Variants in MTRES1 observed in about 807,000 individuals in gnomAD.
The protein encoded by MTRES1 is mitochondrial transcription rescue factor 1.
Under a neutral mutation model 17.4 loss-of-function variants are expected in MTRES1, and 11 were observed. The ratio of observed to expected loss-of-function variants is 0.63; its 90% CI spans 0.40 to 1.05. MTRES1 has a LOEUF of 1.05. Among genes scored for constraint, MTRES1 ranks in the 50% least tolerant of loss-of-function variants. The pLI is 0.00. For missense variants in MTRES1, 268 were observed against 276.2 expected, an observed-to-expected ratio of 0.97 and a Z score of 0.21; for synonymous variants, 94 against 99.6, an observed-to-expected ratio of 0.94 and a Z score of 0.34.
At chr6:107,049,507 G>A (rs1192106703) in intron 3 of MTRES1, among the ~76,000 whole-genome samples, 3 of 141,592 alleles carry the variant, frequency 2.1e-5, no homozygotes, top group Admixed American at 7.7e-5. Context: ...TCCGCCTCCC[G>A]GATTCATGCC....
At position 107,047,819 on chromosome 6, in the gene MTRES1, G is replaced by A. The variant is rs573976586; in HGVS notation, c.544-3238G>A. On this transcript the variant is annotated intron_variant, in intron 3 of 3. Coordinates refer to ENST00000311381, the MANE Select transcript of MTRES1 (RefSeq NM_016487.5). ...GAGAATCGTTTGAATCCAGGAGGTGGAGCTTGCAGTGAGCCAAGATCGCGC... is the reference window on the plus strand; with the variant it reads ...GAGAATCGTTTGAATCCAGGAGGTGAAGCTTGCAGTGAGCCAAGATCGCGC... Among the ~76,000 whole-genome samples, 6 of 152,114 alleles carry A rather than the reference G, an allele frequency of 3.9e-5. No individual in the cohort carries two copies. In the South Asian group the frequency reaches 1.2e-3, roughly 32 times the overall value.
At chr6:107,041,486 G>A (rs1213045445) in intron 2 of MTRES1, among the ~76,000 whole-genome samples, 3 of 152,086 alleles carry the variant, frequency 2.0e-5, no homozygotes, top group African/African-American at 4.8e-5. Context: ...TACTACATAT[G>A]TTCATATATA....
chr6:107,039,783 T>C lies in MTRES1; in HGVS notation c.23T>C (p.Leu8Ser). ...GCCATGGCTATGGCTAGTGTTAAAT[T>C]GCTTGCCGGTGTTTTAAGAAAGCCA... Reference protein sequence around the residue: MAMASVKLLAGVLRKPDA... With the variant: MAMASVKSLAGVLRKPDA... The change falls in exon 2 of 4, where the codon TTG becomes TCG. Residue 8 changes from leucine to serine, a missense_variant. By Grantham distance (145) the Leu-to-Ser change is moderately radical. Coordinates refer to ENST00000311381, the MANE Select transcript of MTRES1 (RefSeq NM_016487.5). The C allele has an allele frequency of 6.2e-7, 1 of 1,607,106 alleles. No individual in the cohort carries two copies. Among genetic ancestry groups the C allele is most frequent in the Non-Finnish European group, 8.5e-7 (1 of 1,178,494 alleles).
intron 3 of MTRES1, 117 bp downstream of exon 3, chr6:107,044,449 G>A: frequency 1.3e-6 from 1 of 764,270 alleles, no homozygotes; most frequent in Non-Finnish European, 2.3e-6. Context: ...GAGGTCCTTT[G>A]TGGTCCTCCA....
At chr6:107,044,784 T>C (rs1210655486) in intron 3 of MTRES1, among the ~76,000 whole-genome samples, 1 of 152,216 alleles carries the variant, frequency 6.6e-6, no homozygotes. Context: ...AGAGCAGTTA[T>C]AGAAAAGGAT....
At position 107,044,242 on chromosome 6, in the gene MTRES1, CTTTTT is replaced by C. The variant is rs781911177; in HGVS notation, c.471-14_471-10del. On this transcript the variant is annotated splice_polypyrimidine_tract_variant and intron_variant, in intron 2 of 3. Coordinates refer to ENST00000311381, the MANE Select transcript of MTRES1 (RefSeq NM_016487.5). ...ATCACCCAAATTGTGTACATTGTTG[CTTTTT>C]TTTGTTTTGTAGCAAAGTGGAAGAT... 6 of 1,592,706 alleles carry C rather than the reference CTTTTT, an allele frequency of 3.8e-6. No homozygotes were observed. Among genetic ancestry groups the C allele is most frequent in the South Asian group, 3.3e-5 (3 of 90,178 alleles).
intron 2 of MTRES1, among the ~76,000 whole-genome samples, chr6:107,041,889 C>T (rs13217360): frequency 0.28 from 42,223 of 151,954 alleles, 6,186 homozygotes; most frequent in South Asian, 0.34. Context: ...TAGTGGCCTT[C>T]ATTGTTCATT....
At chr6:107,037,407 C>T (rs545350763) in intron 1 of MTRES1, among the ~76,000 whole-genome samples, 4 of 152,234 alleles carry the variant, frequency 2.6e-5, no homozygotes, top group African/African-American at 9.6e-5. Context: ...GATGGGGTTT[C>T]ACCACGTTGG....
chr6:107,033,801 G>GA (rs1306036629), intron 1 of MTRES1, among the ~76,000 whole-genome samples: 1 of 152,076 alleles, frequency 6.6e-6, no homozygotes, highest in Non-Finnish European at 1.5e-5. Flanking sequence ...CTGGGCGACA[G>GA]AACAAGACTC....
At chr6:107,030,326 T>C (rs891790536) in intron 1 of MTRES1, among the ~76,000 whole-genome samples, 1 of 152,152 alleles carries the variant, frequency 6.6e-6, no homozygotes, top group Admixed American at 6.6e-5. Flanking sequence ...TGTGCCCACG[T>C]GGAGGTGTCA....
intron 1 of MTRES1, among the ~76,000 whole-genome samples, chr6:107,030,876 C>T (rs1002063346): frequency 6.6e-6 from 1 of 152,108 alleles, no homozygotes; most frequent in South Asian, 2.1e-4. Flanking sequence ...CACAGATGTA[C>T]GAGTCTGGAA....
At chr6:107,045,090 C>G (rs879954495) in intron 3 of MTRES1, among the ~76,000 whole-genome samples, 1 of 151,722 alleles carries the variant, frequency 6.6e-6, no homozygotes, top group African/African-American at 2.4e-5. Context: ...GAGGCTGAGA[C>G]GGGAGGATTA....
chr6:107,029,631 G>C (rs1554226194), intron 1 of MTRES1, among the ~76,000 whole-genome samples: 1 of 151,856 alleles, frequency 6.6e-6, no homozygotes, highest in Non-Finnish European at 1.5e-5. Flanking sequence ...CTACAGGTGT[G>C]CACCACCACG....
intron 3 of MTRES1, among the ~76,000 whole-genome samples, chr6:107,050,823 G>C (rs953730426): frequency 1.3e-5 from 2 of 151,844 alleles, no homozygotes; most frequent in East Asian, 3.9e-4. Context: ...GTGATCCACC[G>C]AGCTTGGCCT....
chr6:107,050,551 C>CTTTTTTTTTTTTTTT (rs142268482), intron 3 of MTRES1, among the ~76,000 whole-genome samples: 5 of 81,512 alleles, frequency 6.1e-5, no homozygotes, highest in Non-Finnish European at 8.7e-5. Flanking sequence ...CTCTCCCTTT[C>CTTTTTTTTTTTTTTT]TTTTTTTTTT....
intron 1 of MTRES1, among the ~76,000 whole-genome samples, chr6:107,029,498 T>G (rs543619902): frequency 4.1e-5 from 6 of 147,918 alleles, no homozygotes; most frequent in Non-Finnish European, 7.5e-5. Context: ...GTTTTGTTGT[T>G]TTTTTTTTTG....
At chr6:107,049,408 C>CTTTTTTT (rs782057719) in intron 3 of MTRES1, among the ~76,000 whole-genome samples, 3 of 99,382 alleles carry the variant, frequency 3.0e-5, no homozygotes, top group African/African-American at 7.9e-5. Context: ...TATGGCCCTT[C>CTTTTTTT]TTTTTTTTTT....
At chr6:107,038,298 G>T (rs1218391298) in intron 1 of MTRES1, among the ~76,000 whole-genome samples, 6 of 152,120 alleles carry the variant, frequency 3.9e-5, no homozygotes, top group Admixed American at 3.9e-4. Context: ...GCAGACTCAC[G>T]GTACAAGGAT....
Position 107,051,284 on chromosome 6 carries a change from G to C in MTRES1, c.*48G>C. 1 of 1,440,384 alleles carries C rather than the reference G, an allele frequency of 6.9e-7. No homozygotes were observed. The highest frequency in any genetic ancestry group is 9.5e-7 in the Non-Finnish European group (1 of 1,053,184). 89.2% of individuals were successfully genotyped at this position (1,440,384 alleles called of 1,614,324 possible). On this transcript the variant is annotated 3_prime_UTR_variant, in exon 4 of 4. Coordinates refer to ENST00000311381, the MANE Select transcript of MTRES1 (RefSeq NM_016487.5). ...AGCTGCTTTCTAGTGGTAAAGGAAGGGGTCACCTGAAAAATAGGACATTTT... is the reference window on the plus strand; with the variant it reads ...AGCTGCTTTCTAGTGGTAAAGGAAGCGGTCACCTGAAAAATAGGACATTTT...
Sources: allele counts gnomAD v4.1 joint callset (sites outside exome capture counted in the v4.1 genomes callset), GRCh38; gene constraint gnomAD v4.1.1; transcripts MANE v1.5; gene names NCBI Gene and HGNC (gene_info 2026-07-23, HGNC 2026-07-21).